Variants in ZNF804B observed in about 807,000 individuals in gnomAD.
ZNF804B encodes the protein zinc finger protein 804B.
A neutral mutation model predicts 101.4 loss-of-function variants in ZNF804B; 80 were observed. That is an observed-to-expected ratio of 0.79 (90% CI 0.66 to 0.95). The LOEUF (loss-of-function observed/expected upper bound fraction) is 0.95, where lower values mean the gene tolerates loss of function less well. Among genes scored for constraint, ZNF804B ranks in the 40% least tolerant of loss-of-function variants. ZNF804B has a pLI of 0.00. For synonymous variants in ZNF804B, 622 were observed against 558.8 expected (o/e 1.11, Z -1.59); for missense variants, 1,673 against 1,561.9 (o/e 1.07, Z -1.20).
chr7:88,775,900 A>T (rs1474195183), intron 1 of ZNF804B, among the ~76,000 whole-genome samples: 1 of 152,190 alleles, frequency 6.6e-6, no homozygotes, highest in African/African-American at 2.4e-5. Context: ...AGTTGCCTTG[A>T]TTCATGCATT....
intron 1 of ZNF804B, among the ~76,000 whole-genome samples, chr7:88,912,748 C>T (rs940891935): frequency 1.8e-4 from 27 of 152,082 alleles, no homozygotes; most frequent in Non-Finnish European, 2.2e-4. Flanking sequence ...TATTGAGAAC[C>T]AAAATTATTT....
At chr7:88,911,960 T>G (rs1792556342) in intron 1 of ZNF804B, among the ~76,000 whole-genome samples, 1 of 151,962 alleles carries the variant, frequency 6.6e-6, no homozygotes, top group Admixed American at 6.6e-5. Context: ...TTTTTTCCTG[T>G]GTATTTCCAA....
At chr7:89,276,216 G>A (rs775394565) in intron 2 of ZNF804B, among the ~76,000 whole-genome samples, 1 of 151,776 alleles carries the variant, frequency 6.6e-6, no homozygotes, top group Non-Finnish European at 1.5e-5. Flanking sequence ...GGTAATGCAT[G>A]CTGGGCTTAG....
intron 1 of ZNF804B, among the ~76,000 whole-genome samples, chr7:88,781,594 A>G (rs1001919166): frequency 6.6e-6 from 1 of 152,210 alleles, no homozygotes; most frequent in Non-Finnish European, 1.5e-5. Context: ...GCTTAATTCA[A>G]TAAACATTTA....
intron 1 of ZNF804B, among the ~76,000 whole-genome samples, chr7:89,174,461 A>G (rs1171519385): frequency 6.6e-6 from 1 of 152,006 alleles, no homozygotes; most frequent in African/African-American, 2.4e-5. Context: ...ATAGTACTCC[A>G]TTGTGCATAT....
chr7:89,254,642 A>G (rs977234119), intron 2 of ZNF804B, among the ~76,000 whole-genome samples: 1 of 145,084 alleles, frequency 6.9e-6, no homozygotes, highest in South Asian at 2.2e-4. Flanking sequence ...TTTTATTTTT[A>G]TTTTTATTAT....
At chr7:88,806,645 G>T (rs1222884664) in intron 1 of ZNF804B, among the ~76,000 whole-genome samples, 1 of 151,962 alleles carries the variant, frequency 6.6e-6, no homozygotes, top group Non-Finnish European at 1.5e-5. Context: ...GTATGTGTGT[G>T]TATGTGTGTG....
In ZNF804B at chr7:88,972,700, A is replaced by G. The variant is rs542497694; in HGVS notation, c.108+212616A>G. Among the ~76,000 whole-genome samples, 5 of 151,406 alleles carry G rather than the reference A, an allele frequency of 3.3e-5. No homozygotes were observed. The South Asian group carries it at 1.0e-3, about 31-fold the overall frequency. Reference sequence around the variant, plus strand: ...TTGAAACTGTCCTTTAAAAAAATATAGTTAGGAGTGATAATCTCTACACTA... The same window carrying G: ...TTGAAACTGTCCTTTAAAAAAATATGGTTAGGAGTGATAATCTCTACACTA... On this transcript the variant is annotated intron_variant, in intron 1 of 3. Transcript: ENST00000333190.
At chr7:89,032,747 TGTTAG>T (rs1788858061) in intron 1 of ZNF804B, among the ~76,000 whole-genome samples, 1 of 152,096 alleles carries the variant, frequency 6.6e-6, no homozygotes, top group African/African-American at 2.4e-5. Context: ...ATAGGGAAAT[TGTTAG>T]GTTTGCAGAC....
At chr7:88,908,130 A>G (rs1792499049) in intron 1 of ZNF804B, among the ~76,000 whole-genome samples, 1 of 151,856 alleles carries the variant, frequency 6.6e-6, no homozygotes, top group Non-Finnish European at 1.5e-5. Context: ...TCTAGTAGGA[A>G]ACTTATATTC....
At chr7:88,842,586 G>T (rs1791305024) in intron 1 of ZNF804B, among the ~76,000 whole-genome samples, 1 of 152,278 alleles carries the variant, frequency 6.6e-6, no homozygotes, top group East Asian at 1.9e-4. Flanking sequence ...AAGGAAGGTT[G>T]CCACCTGATC....
chr7:89,162,535 C>A (rs79285959), intron 1 of ZNF804B, among the ~76,000 whole-genome samples: 1 of 151,514 alleles, frequency 6.6e-6, no homozygotes, highest in Non-Finnish European at 1.5e-5. Flanking sequence ...TTTACTAATA[C>A]CTTTAATTTT....
chr7:89,123,047 TA>T (rs1224603996), intron 1 of ZNF804B, among the ~76,000 whole-genome samples: 3 of 152,034 alleles, frequency 2.0e-5, no homozygotes, highest in Non-Finnish European at 4.4e-5. Flanking sequence ...GTGGTGTCTA[TA>T]AAACTTGTCA....
chr7:88,949,819 C>T (rs1466569352), intron 1 of ZNF804B, among the ~76,000 whole-genome samples: 1 of 151,874 alleles, frequency 6.6e-6, no homozygotes, highest in East Asian at 2.0e-4. Context: ...CATTATGCTA[C>T]AATTGCCTGC....
At chr7:89,239,048 G>T (rs919582811) in intron 2 of ZNF804B, among the ~76,000 whole-genome samples, 1 of 152,138 alleles carries the variant, frequency 6.6e-6, no homozygotes, top group Non-Finnish European at 1.5e-5. Flanking sequence ...ACAACAAGGA[G>T]TTTTATGTTT....
At chr7:89,171,812 A>T (rs911806098) in intron 1 of ZNF804B, among the ~76,000 whole-genome samples, 2 of 152,126 alleles carry the variant, frequency 1.3e-5, no homozygotes, top group Non-Finnish European at 2.9e-5. Context: ...AGTGTTGGCA[A>T]ATGTGATCCG....
At chr7:89,007,530 C>A (rs7456112) in intron 1 of ZNF804B, among the ~76,000 whole-genome samples, 42 of 53,950 alleles carry the variant, frequency 7.8e-4, no homozygotes, top group Non-Finnish European at 1.3e-3. Flanking sequence ...TATAATATAT[C>A]TATTATAATT....
chr7:89,128,068 G>T lies in ZNF804B; in HGVS notation c.109-90087G>T, dbSNP rs370403026. On this transcript the variant is annotated intron_variant, in intron 1 of 3. Coordinates refer to ENST00000333190, the MANE Select transcript of ZNF804B (RefSeq NM_181646.5). ...TCATAATTATGCAGCATAGTATTTA[G>T]TATGTATATCCAATTCTATTGTAAT... is the stretch of plus-strand genomic sequence containing the variant. Among the ~76,000 whole-genome samples the T allele has an allele frequency of 1.2e-4, 18 of 151,878 alleles. No individual in the cohort carries two copies. The East Asian group carries it at 2.3e-3, about 20-fold the overall frequency.
chr7:88,793,637 TTTAC>T (rs1313139162), intron 1 of ZNF804B, among the ~76,000 whole-genome samples: 1 of 152,136 alleles, frequency 6.6e-6, no homozygotes, highest in Non-Finnish European at 1.5e-5. Flanking sequence ...TGATTATTCC[TTTAC>T]TTGTGCTCTC....
Sources: allele counts gnomAD v4.1 joint callset (sites outside exome capture counted in the v4.1 genomes callset), GRCh38; gene constraint gnomAD v4.1.1; transcripts MANE v1.5; gene names NCBI Gene and HGNC (gene_info 2026-07-23, HGNC 2026-07-21).